CSMD2: variants seen among roughly 807,000 people sequenced by gnomAD.
CSMD2 encodes CUB and sushi domain-containing protein 2.
Under a neutral mutation model 398.5 loss-of-function variants are expected in CSMD2, and 130 were observed. The observed-to-expected ratio is 0.33, with a 90% CI of 0.28 to 0.38. CSMD2 has a LOEUF of 0.38. CSMD2 is among the 10% of genes least tolerant of loss of function. The pLI, the probability that CSMD2 is intolerant of heterozygous loss-of-function variation, is 1.00. For missense variants in CSMD2, 3,829 were observed against 4,764.9 expected (o/e 0.80, Z 5.78); for synonymous variants, 1,828 against 1,908.5 (o/e 0.96, Z 1.10).
chr1:33,870,368 A>T (rs1640371485), intron 5 of CSMD2: 1 of 152,226 alleles, frequency 6.6e-6, no homozygotes, highest in African/African-American at 2.4e-5. Context: ...ACAAGAAGAT[A>T]GCTTCAAGCA....
intron 10 of CSMD2, among the ~76,000 whole-genome samples, chr1:33,806,405 C>G (rs1183112800): frequency 6.6e-6 from 1 of 152,154 alleles, no homozygotes; most frequent in Admixed American, 6.5e-5. Context: ...GTAATGCCCC[C>G]AGCACTAGGC....
intron 9 of CSMD2, among the ~76,000 whole-genome samples, chr1:33,817,617 T>C (rs766516367): frequency 1.3e-5 from 2 of 152,200 alleles, no homozygotes; most frequent in Non-Finnish European, 2.9e-5. Flanking sequence ...TGAGGAAGCT[T>C]ATGTGGACAG....
At chr1:33,773,122 A>C (rs1412574403) in intron 12 of CSMD2, among the ~76,000 whole-genome samples, 1 of 152,224 alleles carries the variant, frequency 6.6e-6, no homozygotes, top group Non-Finnish European at 1.5e-5. Context: ...CAGGAGCAAC[A>C]AGTTCCACAG....
In CSMD2 at chr1:33,559,873, C is replaced by T. The variant is rs1658385005; in HGVS notation, c.8381-400G>A. On this transcript the variant is annotated intron_variant, in intron 53 of 70. Transcript: ENST00000373381. The surrounding 1 kb of genome is among the most constrained non-coding windows in gnomAD (Gnocchi z 4.0). ...AGGCCCATCCTCATTCCTGAGCCAA[C>T]CTTGTAGAACCAGAGTGAATACTAA... Among the ~76,000 whole-genome samples, 1 of 152,098 alleles carries T rather than the reference C, an allele frequency of 6.6e-6. No homozygotes were observed. Among genetic ancestry groups the T allele is most frequent in the South Asian group, 2.1e-4 (1 of 4,808 alleles).
intron 51 of CSMD2, among the ~76,000 whole-genome samples, chr1:33,571,314 T>G (rs1659574088): frequency 6.6e-6 from 1 of 152,228 alleles, no homozygotes. Context: ...AAAGCAGCTT[T>G]TGATAAGATG....
intron 51 of CSMD2, 67 bp from the exon 52 acceptor site, chr1:33,569,614 C>A: frequency 6.6e-7 from 1 of 1,512,082 alleles, no homozygotes; most frequent in Non-Finnish European, 9.0e-7. Context: ...TTCTGCTTAG[C>A]AAGAACTGTG....
At chr1:33,957,259 C>T (rs1645200049) in intron 3 of CSMD2, among the ~76,000 whole-genome samples, 2 of 152,272 alleles carry the variant, frequency 1.3e-5, no homozygotes, top group South Asian at 4.1e-4. Context: ...TTAGTATAGA[C>T]CCAGTACCTG....
At chr1:33,887,328 C>A (rs898266005) in intron 5 of CSMD2, among the ~76,000 whole-genome samples, 1 of 151,762 alleles carries the variant, frequency 6.6e-6, no homozygotes, top group Non-Finnish European at 1.5e-5. Flanking sequence ...TAAATGTTCA[C>A]AGAAAGAGGA....
At chr1:34,111,271 C>T (rs935172646) in intron 1 of CSMD2, among the ~76,000 whole-genome samples, 27 of 152,228 alleles carry the variant, frequency 1.8e-4, no homozygotes, top group Admixed American at 1.3e-3. Context: ...GAAACCAAAC[C>T]AGTTGGTGTG....
At chr1:33,965,553 A>G (rs1338806334) in intron 3 of CSMD2, among the ~76,000 whole-genome samples, 2 of 152,162 alleles carry the variant, frequency 1.3e-5, no homozygotes, top group Non-Finnish European at 2.9e-5. Flanking sequence ...GAAGTGCTCC[A>G]TAACTGGGGT....
At chr1:34,156,974 T>C (rs1360890044) in intron 1 of CSMD2, among the ~76,000 whole-genome samples, 1 of 152,194 alleles carries the variant, frequency 6.6e-6, no homozygotes, top group African/African-American at 2.4e-5. Context: ...CTTTCCTTTC[T>C]GTGAGTGGAG....
intron 2 of CSMD2, among the ~76,000 whole-genome samples, chr1:34,058,307 G>T (rs1042087592): frequency 2.0e-5 from 3 of 152,138 alleles, no homozygotes; most frequent in African/African-American, 7.2e-5. Flanking sequence ...TACCCCAGAT[G>T]ATCTTTGTGA....
At chr1:33,699,997 T>C (rs886165297) in intron 23 of CSMD2, among the ~76,000 whole-genome samples, 32 of 137,234 alleles carry the variant, frequency 2.3e-4, no homozygotes, top group African/African-American at 8.4e-4. Context: ...TCAAAGCATG[T>C]ATACTTTACT....
Position 34,089,024 on chromosome 1 carries a change from G to C in CSMD2, c.357C>G (p.Val119=). 6.2e-7 allele frequency: 1 copy of C among 1,614,118 alleles called. No individual in the cohort carries two copies. The highest frequency in any genetic ancestry group is 8.5e-7 in the Non-Finnish European group (1 of 1,180,032). Residue 119 remains valine (V), a synonymous_variant, in exon 2 of 71, where the codon GTC becomes GTG. Transcript: ENST00000373381. ...QSFALEEDFD[V]LSVFDGPPQP... is the part of the protein sequence containing the mutation. ...GGGGTGGACCATCAAACACCGACAG[G>C]ACATCAAAGTCCTCTTCCAGGGCAA...
At chr1:34,052,665 T>A (rs1653345001) in intron 2 of CSMD2, among the ~76,000 whole-genome samples, 2 of 152,082 alleles carry the variant, frequency 1.3e-5, no homozygotes, top group African/African-American at 2.4e-5. Context: ...TTCCTCTATC[T>A]GAATGCAAAC....
rs185349235 is a variant in CSMD2, at chr1:33,522,843, C to A, written c.10509+464G>T. 1.8e-3 allele frequency among the ~76,000 whole-genome samples: 275 copies of A among 152,302 alleles called. 1 individual carries two copies. Among genetic ancestry groups the A allele is most frequent in the Admixed American group, 3.9e-3 (59 of 15,300 alleles). ...GCCCTAGAATAGAATGTCTTTTCCA[C>A]AAGGGAATGCAAGAAAGTCCTATCC... On this transcript the variant is annotated intron_variant, in intron 67 of 70. Coordinates refer to ENST00000373381, the MANE Select transcript of CSMD2 (RefSeq NM_001281956.2).
At chr1:33,995,731 C>T (rs138257117) in intron 3 of CSMD2, among the ~76,000 whole-genome samples, 1 of 152,210 alleles carries the variant, frequency 6.6e-6, no homozygotes, top group African/African-American at 2.4e-5. Context: ...TATCTCTGCT[C>T]TCTTTTCACC....
chr1:33,877,855 C>A (rs1481282564), intron 5 of CSMD2, among the ~76,000 whole-genome samples: 1 of 152,108 alleles, frequency 6.6e-6, no homozygotes, highest in Non-Finnish European at 1.5e-5. Flanking sequence ...GATTGCGCTG[C>A]TGAAGGGAGG....
chr1:33,735,752 A>G (rs567668525), intron 15 of CSMD2, among the ~76,000 whole-genome samples: 127 of 152,316 alleles, frequency 8.3e-4, no homozygotes, highest in Non-Finnish European at 1.4e-3. Context: ...CTCTTAGCAT[A>G]TATTAAAAGA....
Sources: allele counts gnomAD v4.1 joint callset (sites outside exome capture counted in the v4.1 genomes callset), GRCh38; gene constraint gnomAD v4.1.1; non-coding constraint Gnocchi (gnomAD v3.1); transcripts MANE v1.5; gene names NCBI Gene and HGNC (gene_info 2026-07-23, HGNC 2026-07-21).